SH3PXD2A: variants seen among roughly 807,000 people sequenced by gnomAD.
SH3PXD2A encodes SH3 and PX domains 2A, also known as SH3 and PX domain-containing protein 2A.
SH3PXD2A carries 32 observed loss-of-function variants against 115.2 expected under a neutral mutation model. That is an observed-to-expected ratio of 0.28 (90% confidence interval 0.21 to 0.37). The LOEUF (loss-of-function observed/expected upper bound fraction) is 0.37. SH3PXD2A is among the 10% of genes least tolerant of loss of function. The pLI, the probability that SH3PXD2A is intolerant of heterozygous loss-of-function variation, is 1.00. For synonymous variants in SH3PXD2A, 610 were observed against 629.1 expected, an observed-to-expected ratio of 0.97 and a Z score of 0.45; for missense variants, 1,328 against 1,498.7, an observed-to-expected ratio of 0.89 and a Z score of 1.88.
chr10:103,700,948 TCATC>T (rs140092911), intron 5 of SH3PXD2A, among the ~76,000 whole-genome samples: 1,404 of 136,992 alleles, frequency 0.01, 52 homozygotes, highest in Admixed American at 0.055. Context: ...AGTCCATCCA[TCATC>T]CATCCATCCA....
At chr10:103,655,744 G>A (rs1305362453) in intron 8 of SH3PXD2A, among the ~76,000 whole-genome samples, 1 of 133,046 alleles carries the variant, frequency 7.5e-6, no homozygotes, top group African/African-American at 2.9e-5. Flanking sequence ...CTGCACTCCA[G>A]CCTGGGTGAC....
chr10:103,691,805 G>C (rs931577573), intron 6 of SH3PXD2A, among the ~76,000 whole-genome samples: 1 of 151,962 alleles, frequency 6.6e-6, no homozygotes, highest in African/African-American at 2.4e-5. Flanking sequence ...ACAGCACACA[G>C]CTATCATGAC....
intron 5 of SH3PXD2A, among the ~76,000 whole-genome samples, chr10:103,702,596 CGTGT>C: frequency 6.8e-6 from 1 of 147,562 alleles, no homozygotes; most frequent in South Asian, 2.2e-4. Flanking sequence ...TGTGTGTGTG[CGTGT>C]GTGTGTGTGT....
intron 10 of SH3PXD2A, among the ~76,000 whole-genome samples, chr10:103,617,600 TA>T (rs1275325188): frequency 6.6e-6 from 1 of 152,202 alleles, no homozygotes; most frequent in African/African-American, 2.4e-5. Context: ...CCCAGCCTGA[TA>T]ATGGCGGCCA....
chr10:103,724,383 G>C (rs1589430269), intron 4 of SH3PXD2A, 22 bp from the exon 5 acceptor site: 1 of 1,462,522 alleles, frequency 6.8e-7, no homozygotes, highest in Non-Finnish European at 9.4e-7. Flanking sequence ...CAGGAAGAAA[G>C]GGCATTAGGT....
intron 1 of SH3PXD2A, among the ~76,000 whole-genome samples, chr10:103,828,496 C>T (rs2039452978): frequency 6.6e-6 from 1 of 152,204 alleles, no homozygotes; most frequent in South Asian, 2.1e-4. Context: ...CCTGGGTCTC[C>T]TTCCATGAAA....
At chr10:103,846,794 G>A (rs1390740321) in intron 1 of SH3PXD2A, among the ~76,000 whole-genome samples, 3 of 152,232 alleles carry the variant, frequency 2.0e-5, no homozygotes, top group African/African-American at 4.8e-5. Context: ...CATCCTGGGT[G>A]TGTAATGTGT....
intron 6 of SH3PXD2A, chr10:103,673,508 G>A (rs1238345120): frequency 1.3e-5 from 2 of 152,184 alleles, no homozygotes; most frequent in Non-Finnish European, 2.9e-5. Flanking sequence ...AGGCTGCAGT[G>A]AGGCATGATC....
intron 1 of SH3PXD2A, among the ~76,000 whole-genome samples, chr10:103,839,227 C>T (rs941754670): frequency 2.0e-5 from 3 of 152,142 alleles, no homozygotes; most frequent in Non-Finnish European, 4.4e-5. Context: ...CCACCAACAC[C>T]CCTACACCCT....
intron 4 of SH3PXD2A, among the ~76,000 whole-genome samples, 187 bp downstream of exon 4, chr10:103,735,545 C>T (rs1056718352): frequency 1.3e-5 from 2 of 152,188 alleles, no homozygotes; most frequent in African/African-American, 4.8e-5. Context: ...ACCCGAGGTC[C>T]TTGGGTCCCA....
intron 6 of SH3PXD2A, among the ~76,000 whole-genome samples, chr10:103,686,799 G>A (rs1186043609): frequency 2.0e-5 from 3 of 149,560 alleles, no homozygotes; most frequent in Non-Finnish European, 4.4e-5. Context: ...CCAAGCTGGA[G>A]TGCAATGGCA....
intron 1 of SH3PXD2A, among the ~76,000 whole-genome samples, chr10:103,805,959 G>A (rs1055261524): frequency 5.3e-5 from 8 of 152,374 alleles, no homozygotes; most frequent in Middle Eastern, 3.4e-3. Context: ...GCCAGCCAGA[G>A]GGAAGAGCTG....
chr10:103,608,024 C>G (rs752575537), intron 13 of SH3PXD2A, among the ~76,000 whole-genome samples: 1 of 151,792 alleles, frequency 6.6e-6, no homozygotes, highest in Non-Finnish European at 1.5e-5. Flanking sequence ...CGGAAGGCCT[C>G]GGGGTCCTCT....
chr10:103,823,588 G>C (rs2039401660), intron 1 of SH3PXD2A, among the ~76,000 whole-genome samples: 1 of 152,234 alleles, frequency 6.6e-6, no homozygotes, highest in Non-Finnish European at 1.5e-5. Flanking sequence ...ATGGGTACAA[G>C]CCCATCTAAC....
Position 103,855,318 on chromosome 10 carries a change from G to T in SH3PXD2A, c.-52C>A. 1 of 1,400,214 alleles carries T rather than the reference G, an allele frequency of 7.1e-7. No individual in the cohort carries two copies. The highest frequency in any genetic ancestry group is 9.6e-7 in the Non-Finnish European group (1 of 1,037,862). The allele number at this position is 1,400,214 out of a possible 1,614,324, so 86.7% of individuals were successfully genotyped here. ...CCGGCGGCGTCACCTTCTCATCCCG[G>T]CCGGGCTCCGGCTCCTTCTCCAGCT... is the stretch of plus-strand genomic sequence containing the variant. On this transcript the variant is annotated 5_prime_UTR_variant, in exon 1 of 15. Transcript: ENST00000369774.
At chr10:103,755,648 G>A (rs933464835) in intron 3 of SH3PXD2A, among the ~76,000 whole-genome samples, 3 of 152,118 alleles carry the variant, frequency 2.0e-5, no homozygotes, top group Admixed American at 6.6e-5. Context: ...TCTCAGCCAC[G>A]GAAAATAGCA....
chr10:103,704,036 GCA>G, intron 5 of SH3PXD2A, among the ~76,000 whole-genome samples: 1 of 152,324 alleles, frequency 6.6e-6, no homozygotes, highest in South Asian at 2.1e-4. Context: ...AGTCCCCCGT[GCA>G]CAGTCAGGCT....
At chr10:103,751,774 A>AGG (rs2134205930) in intron 3 of SH3PXD2A, among the ~76,000 whole-genome samples, 1 of 152,306 alleles carries the variant, frequency 6.6e-6, no homozygotes, top group East Asian at 1.9e-4. Flanking sequence ...GGCAACAAAG[A>AGG]GGGCGTTTCT....
intron 1 of SH3PXD2A, among the ~76,000 whole-genome samples, chr10:103,809,236 G>T (rs1373193433): frequency 1.3e-5 from 2 of 152,166 alleles, no homozygotes; most frequent in African/African-American, 4.8e-5. Flanking sequence ...AGTGGAGGGT[G>T]ACCTCCATGG....
Sources: allele counts gnomAD v4.1 joint callset (sites outside exome capture counted in the v4.1 genomes callset), GRCh38; gene constraint gnomAD v4.1.1; transcripts MANE v1.5; gene names NCBI Gene and HGNC (gene_info 2026-07-23, HGNC 2026-07-21).